The following ZFYVE26 variants were observed in gnomAD, a reference collection of about 807,000 sequenced individuals.
ZFYVE26 encodes the protein zinc finger FYVE-type containing 26.
Under a neutral mutation model 276.5 loss-of-function variants are expected in ZFYVE26, and 181 were observed. The observed-to-expected ratio is 0.65, with a 90% CI of 0.58 to 0.74. The LOEUF (loss-of-function observed/expected upper bound fraction) is 0.74. Among genes scored for constraint, ZFYVE26 ranks in the 30% least tolerant of loss-of-function variants. ZFYVE26 has a pLI of 0.00. For synonymous variants in ZFYVE26, 1,129 were observed against 1,203.1 expected, an observed-to-expected ratio of 0.94 and a Z score of 1.27; for missense variants, 2,821 against 3,097.9, an observed-to-expected ratio of 0.91 and a Z score of 2.12.
intron 13 of ZFYVE26, among the ~76,000 whole-genome samples, chr14:67,737,495 C>T (rs181684211): frequency 2.0e-3 from 310 of 152,138 alleles, no homozygotes; most frequent in African/African-American, 2.7e-3. Context: ...CTCACTATCA[C>T]GAGAAGACAA....
intron 40 of ZFYVE26, 49 bp from the exon 41 acceptor site, chr14:67,751,145 C>A: frequency 6.2e-7 from 1 of 1,611,302 alleles, no homozygotes; most frequent in South Asian, 1.1e-5. Flanking sequence ...GTCCCGCAGT[C>A]TGGGAGCCAG....
chr14:67,788,850 C>T (rs1241477014), intron 16 of ZFYVE26, among the ~76,000 whole-genome samples: 2 of 152,182 alleles, frequency 1.3e-5, no homozygotes, highest in Non-Finnish European at 2.9e-5. Context: ...GGGAGTAGAA[C>T]GTTGCCTAAT....
In ZFYVE26 at chr14:67,815,929, G is replaced by A. The variant is rs200174594; in HGVS notation, c.35C>T (p.Ser12Leu). 5 of 1,613,074 alleles carry A rather than the reference G, an allele frequency of 3.1e-6. No individual in the cohort carries two copies. Among genetic ancestry groups the A allele is most frequent in the Non-Finnish European group, 3.4e-6 (4 of 1,179,786 alleles). ...NHPFGKEEAA[S>L]QKQLFGFFCE... ...GAAAAATCCAAAAAGCTGCTTCTGC[G>A]AAGCAGCTTCCTCTTTTCCAAATGG... The change falls in exon 2 of 42, where the codon TCG becomes TTG. Residue 12 changes from serine (S) to leucine (L), a missense_variant. By Grantham distance (145) the Ser-to-Leu change is moderately radical. Coordinates refer to ENST00000347230, the MANE Select transcript of ZFYVE26 (RefSeq NM_015346.4).
rs752003241 is a variant in ZFYVE26 at position 67,807,897 on chromosome 14, C to G, written c.387G>C (p.Gln129His). Residue 129 changes from glutamine to histidine, a missense_variant, in exon 5 of 42, where the codon CAG becomes CAC. Transcript: ENST00000347230. ...ILEELYETLTQGAVGHVPDGN... is the reference protein window; with the variant it reads ...ILEELYETLTHGAVGHVPDGN... ...CGTCAGGCACGTGGCCTACTGCACC[C>G]TGTGTTAAGGTCTCATACAGCTCCT... 2 of 1,614,126 alleles carry G rather than the reference C, an allele frequency of 1.2e-6. No individual in the cohort carries two copies. The highest frequency in any genetic ancestry group is 1.7e-6 in the Non-Finnish European group (2 of 1,180,012).
At chr14:67,783,851 T>C (rs1244651801) in intron 20 of ZFYVE26, among the ~76,000 whole-genome samples, 1 of 152,228 alleles carries the variant, frequency 6.6e-6, no homozygotes, top group African/African-American at 2.4e-5. Flanking sequence ...TGGTACTATA[T>C]ACAAGATTGC....
chr14:67,795,786 G>T (rs1417006781), intron 12 of ZFYVE26, among the ~76,000 whole-genome samples: 1 of 152,136 alleles, frequency 6.6e-6, no homozygotes, highest in Admixed American at 6.5e-5. Flanking sequence ...AATAGCACAT[G>T]ATGAGAAAAT....
intron 33 of ZFYVE26, 40 bp from the exon 34 acceptor site, chr14:67,762,452 A>C: frequency 2.5e-6 from 4 of 1,590,022 alleles, no homozygotes; most frequent in Non-Finnish European, 3.4e-6. Flanking sequence ...TGGTAGCTAC[A>C]TTCAGGCCTA....
At chr14:67,774,360 G>A (rs546471256) in intron 27 of ZFYVE26, among the ~76,000 whole-genome samples, 3 of 152,342 alleles carry the variant, frequency 2.0e-5, no homozygotes, top group African/African-American at 7.2e-5. Context: ...TTAGCTGGGT[G>A]TGGTGGCACA....
At chr14:67,806,385 G>C (rs2040180834) in intron 6 of ZFYVE26, among the ~76,000 whole-genome samples, 160 bp downstream of exon 6, 1 of 152,236 alleles carries the variant, frequency 6.6e-6, no homozygotes, top group South Asian at 2.1e-4. Flanking sequence ...GATTCTCAGA[G>C]TCTCCTTTCC....
intron 10 of ZFYVE26, 43 bp from the exon 11 acceptor site, chr14:67,798,665 AC>A (rs1566893476): frequency 3.7e-6 from 6 of 1,611,084 alleles, no homozygotes; most frequent in Non-Finnish European, 5.1e-6. Flanking sequence ...GAAAGAGAAG[AC>A]AGAGAATGCA....
At chr14:67,783,694 TTA>T (rs1298330016) in intron 20 of ZFYVE26, among the ~76,000 whole-genome samples, 169 bp from the exon 21 acceptor site, 2 of 152,230 alleles carry the variant, frequency 1.3e-5, no homozygotes, top group African/African-American at 4.8e-5. Context: ...GCTCTGCCCT[TTA>T]TGTTTTCACG....
intron 3 of ZFYVE26, among the ~76,000 whole-genome samples, chr14:67,810,714 C>G (rs2040281970): frequency 6.6e-6 from 1 of 152,144 alleles, no homozygotes; most frequent in African/African-American, 2.4e-5. Flanking sequence ...TGGAGTCTCC[C>G]CTTTTCCAGA....
At chr14:67,769,206 C>T (rs1484881590) in intron 29 of ZFYVE26, among the ~76,000 whole-genome samples, 9 of 152,152 alleles carry the variant, frequency 5.9e-5, no homozygotes, top group African/African-American at 2.2e-4. Flanking sequence ...TTGATATAAG[C>T]GATGCCCAAC....
chr14:67,736,323 G>A (rs905988015), intron 13 of ZFYVE26, among the ~76,000 whole-genome samples: 5 of 152,174 alleles, frequency 3.3e-5, no homozygotes, highest in African/African-American at 4.8e-5. Context: ...CTCTTCTACG[G>A]CTATCATATT....
intron 28 of ZFYVE26, 31 bp from the exon 29 acceptor site, chr14:67,769,761 A>G: frequency 1.2e-6 from 2 of 1,613,744 alleles, no homozygotes; most frequent in South Asian, 1.1e-5. Context: ...GAGAAGAAAG[A>G]GGGAGGAGAG....
intron 3 of ZFYVE26, among the ~76,000 whole-genome samples, chr14:67,811,539 TCAG>T (rs2040301895): frequency 6.6e-6 from 1 of 152,160 alleles, no homozygotes; most frequent in East Asian, 1.9e-4. Context: ...GATTTTGGTT[TCAG>T]CAGCAGTTCT....
chr14:67,767,433 G>A (rs746750781), intron 31 of ZFYVE26, among the ~76,000 whole-genome samples: 23 of 151,412 alleles, frequency 1.5e-4, no homozygotes, highest in African/African-American at 4.1e-4. Context: ...CTCTCCTCAC[G>A]ACCCCCAGCT....
At chr14:67,767,928 G>T in intron 30 of ZFYVE26, 88 bp from the exon 31 acceptor site, 1 of 1,560,692 alleles carries the variant, frequency 6.4e-7, no homozygotes, top group South Asian at 1.1e-5. Context: ...GTTGCAGGTA[G>T]ACACTTGCCT....
intron 32 of ZFYVE26, among the ~76,000 whole-genome samples, chr14:67,763,796 G>C (rs2038992948): frequency 6.6e-6 from 1 of 152,236 alleles, no homozygotes; most frequent in Admixed American, 6.5e-5. Context: ...TTAATGTTTG[G>C]AGTGGGGATG....
Sources: allele counts gnomAD v4.1 joint callset (sites outside exome capture counted in the v4.1 genomes callset), GRCh38; gene constraint gnomAD v4.1.1; transcripts MANE v1.5; gene names NCBI Gene and HGNC (gene_info 2026-07-23, HGNC 2026-07-21).